The following CACNB2 variants were observed in gnomAD, a reference collection of about 807,000 sequenced individuals.
CACNB2 encodes calcium voltage-gated channel auxiliary subunit beta 2, also known as voltage-dependent L-type calcium channel subunit beta-2.
CACNB2 carries 42 observed loss-of-function variants against 73.3 expected under a neutral mutation model. The observed-to-expected ratio is 0.57, with a 90% CI of 0.45 to 0.74. The LOEUF (loss-of-function observed/expected upper bound fraction) is 0.74. CACNB2 is among the 30% of genes least tolerant of loss of function. The probability of loss-of-function intolerance (pLI) is 0.00; values close to 1 mark genes in which losing one functional copy is unlikely to be tolerated. For missense variants in CACNB2, 940 were observed against 853.0 expected (o/e 1.10, Z -1.27); for synonymous variants, 348 against 310.3 (o/e 1.12, Z -1.28).
chr10:18,525,454 G>A (rs2052376659), intron 9 of CACNB2, among the ~76,000 whole-genome samples: 1 of 152,010 alleles, frequency 6.6e-6, no homozygotes, highest in South Asian at 2.1e-4. Context: ...AATTTTGAAG[G>A]CTTTTTGCTT....
At chr10:18,501,581 G>T (rs932051803) in intron 5 of CACNB2, among the ~76,000 whole-genome samples, 7 of 152,216 alleles carry the variant, frequency 4.6e-5, no homozygotes, top group African/African-American at 1.7e-4. Flanking sequence ...AAGGCTTCTC[G>T]TAGATGTACT....
chr10:18,499,734 TGGAAGGCCGA>T (rs2050084300), intron 4 of CACNB2, among the ~76,000 whole-genome samples: 1 of 105,272 alleles, frequency 9.5e-6, no homozygotes, highest in Non-Finnish European at 2.2e-5. Flanking sequence ...CCAAGCATTT[TGGAAGGCCGA>T]GGAAGGCAGA....
chr10:18,186,083 G>A (rs1234911283), intron 2 of CACNB2, among the ~76,000 whole-genome samples: 1 of 152,088 alleles, frequency 6.6e-6, no homozygotes, highest in Non-Finnish European at 1.5e-5. Flanking sequence ...GGAATGAAGG[G>A]AATATAATTT....
chr10:18,502,066 G>C (rs2050221907), intron 5 of CACNB2, among the ~76,000 whole-genome samples: 1 of 152,140 alleles, frequency 6.6e-6, no homozygotes, highest in African/African-American at 2.4e-5. Flanking sequence ...CCCAGCACTG[G>C]GAGGCCGAGG....
intron 2 of CACNB2, among the ~76,000 whole-genome samples, chr10:18,214,201 T>G (rs2035427631): frequency 4.6e-5 from 1 of 21,866 alleles, no homozygotes; most frequent in African/African-American, 6.7e-5. Context: ...TTCAAATTCA[T>G]TTTTTAAAAC....
At chr10:18,534,669 AATGTCCTT>A (rs2053388462) in intron 11 of CACNB2, among the ~76,000 whole-genome samples, 1 of 152,240 alleles carries the variant, frequency 6.6e-6, no homozygotes, top group African/African-American at 2.4e-5. Context: ...AATTTCACTT[AATGTCCTT>A]ATAAAGTAGT....
At chr10:18,476,073 A>G (rs1189506632) in intron 3 of CACNB2, among the ~76,000 whole-genome samples, 1 of 152,210 alleles carries the variant, frequency 6.6e-6, no homozygotes, top group Non-Finnish European at 1.5e-5. Context: ...TTTCTTGATT[A>G]TATACTAAAC....
intron 2 of CACNB2, among the ~76,000 whole-genome samples, chr10:18,220,201 G>GTATATATATA (rs773942256): frequency 3.0e-4 from 7 of 23,306 alleles, no homozygotes; most frequent in African/African-American, 5.5e-4. Flanking sequence ...ATATGTGTGT[G>GTATATATATA]TATATATATA....
chr10:18,438,171 GC>G (rs2046237962), intron 3 of CACNB2, among the ~76,000 whole-genome samples: 1 of 142,514 alleles, frequency 7.0e-6, no homozygotes, highest in Non-Finnish European at 1.5e-5. Flanking sequence ...CCGCCCGCCA[GC>G]ACACCTGGCG....
chr10:18,465,163 G>A lies in CACNB2; in HGVS notation c.334-33192G>A, dbSNP rs1261275694. ...TGGCCAACATAGTGAAACCCCATCT[G>A]TACTAAAAATATAAAAATTAGCTGG... On this transcript the variant is annotated intron_variant, in intron 3 of 13. Coordinates refer to ENST00000324631, the MANE Select transcript of CACNB2 (RefSeq NM_201596.3). Among the ~76,000 whole-genome samples the A allele has an allele frequency of 3.9e-5, 6 of 152,110 alleles. No individual in the cohort carries two copies. The East Asian group carries it at 9.7e-4, about 24-fold the overall frequency.
intron 2 of CACNB2, among the ~76,000 whole-genome samples, chr10:18,341,605 A>C (rs1468936462): frequency 6.6e-6 from 1 of 152,200 alleles, no homozygotes; most frequent in South Asian, 2.1e-4. Flanking sequence ...CACAAAAAAA[A>C]CCCTGAACCT....
In CACNB2 at chr10:18,500,826, C is replaced by G. The variant is rs2050154342; in HGVS notation, c.471C>G (p.Asp157Glu). ...FLHVKEKFNN[D>E]WWIGRLVKEG... ...TTTGTGTTTAGAAATTTAACAATGA[C>G]TGGTGGATAGGGCGATTGGTAAAAG... The change falls in exon 5 of 14, where the codon GAC (aspartate) becomes GAG (glutamate). Residue 157 changes from aspartate (D) to glutamate (E), a missense_variant. Physicochemically the swap from Asp to Glu is conservative, Grantham distance 45. Coordinates refer to ENST00000324631, the MANE Select transcript of CACNB2 (RefSeq NM_201596.3). The G allele has an allele frequency of 1.2e-6, 2 of 1,613,884 alleles. No individual in the cohort carries two copies. Among genetic ancestry groups the G allele is most frequent in the Non-Finnish European group, 1.7e-6 (2 of 1,179,878 alleles).
intron 5 of CACNB2, among the ~76,000 whole-genome samples, chr10:18,502,813 G>C (rs1002322922): frequency 7.9e-5 from 12 of 151,760 alleles, no homozygotes; most frequent in African/African-American, 2.4e-4. Flanking sequence ...CTTGAGGGTG[G>C]AGGATGGGAG....
At chr10:18,474,859 G>A (rs946341021) in intron 3 of CACNB2, among the ~76,000 whole-genome samples, 9 of 151,770 alleles carry the variant, frequency 5.9e-5, no homozygotes, top group African/African-American at 1.7e-4. Context: ...TCTACCTGGA[G>A]TTAGTGCAGA....
intron 2 of CACNB2, among the ~76,000 whole-genome samples, chr10:18,304,196 G>T (rs72786006): frequency 0.24 from 36,966 of 152,040 alleles, 4,548 homozygotes; most frequent in African/African-American, 0.26. Context: ...GTTCAAGCGA[G>T]CCTCCTGACT....
Position 18,378,464 on chromosome 10 carries a change from G to A in CACNB2, c.214-23460G>A, listed in dbSNP as rs149574634. Reference sequence around the variant, plus strand: ...AGAGCTGTAATTATTAGACTCCACAGTTGGCCGGGCATGGTGGTTCATGCC... The same window carrying A: ...AGAGCTGTAATTATTAGACTCCACAATTGGCCGGGCATGGTGGTTCATGCC... On this transcript the variant is annotated intron_variant, in intron 2 of 13. Coordinates refer to ENST00000324631, the MANE Select transcript of CACNB2 (RefSeq NM_201596.3). Among the ~76,000 whole-genome samples, 861 of 152,282 alleles carry A rather than the reference G, an allele frequency of 5.7e-3. 3 individuals are homozygous for A. Among genetic ancestry groups the A allele is most frequent in the Non-Finnish European group, 8.0e-3 (544 of 68,024 alleles).
chr10:18,292,356 C>A (rs1416597868), intron 2 of CACNB2, among the ~76,000 whole-genome samples: 1 of 152,140 alleles, frequency 6.6e-6, no homozygotes, highest in Non-Finnish European at 1.5e-5. Context: ...AAATTTGACT[C>A]CTTAATATTG....
intron 2 of CACNB2, among the ~76,000 whole-genome samples, chr10:18,303,051 C>T (rs1383009341): frequency 6.6e-6 from 1 of 152,034 alleles, no homozygotes; most frequent in Non-Finnish European, 1.5e-5. Flanking sequence ...TCCTTAGACT[C>T]GTTAGTCTCA....
intron 2 of CACNB2, among the ~76,000 whole-genome samples, chr10:18,397,333 C>T (rs991041764): frequency 2.0e-5 from 3 of 151,976 alleles, no homozygotes; most frequent in South Asian, 2.1e-4. Flanking sequence ...GGCCTGGTGG[C>T]GCATGCCTGT....
Sources: gnomAD v4.1 joint callset for allele counts (sites outside exome capture counted in the v4.1 genomes callset) on GRCh38, gnomAD v4.1.1 for gene constraint, MANE v1.5 for transcripts, NCBI Gene and HGNC (gene_info 2026-07-23, HGNC 2026-07-21) for gene names.